Variants in MARCHF1 observed in about 807,000 individuals in gnomAD.
MARCHF1 encodes membrane associated ring-CH-type finger 1, also known as E3 ubiquitin-protein ligase MARCHF1.
A neutral mutation model predicts 54.2 loss-of-function variants in MARCHF1; 40 were observed. That is an observed-to-expected ratio of 0.74 (90% confidence interval 0.57 to 0.96). MARCHF1 has a LOEUF of 0.96. Ranked by LOEUF, MARCHF1 falls within the 40% of genes least tolerant of loss-of-function variation. The pLI, the probability that MARCHF1 is intolerant of heterozygous loss-of-function variation, is 0.00. For missense variants in MARCHF1, 586 were observed against 656.5 expected (o/e 0.89, Z 1.17); for synonymous variants, 236 against 236.3 (o/e 1.00, Z 0.01).
Position 164,216,630 on chromosome 4 carries a change from TGAA to T in MARCHF1, c.-322-104971_-322-104969del, listed in dbSNP as rs2111135187. ...TTTCTTGGATTAGATTAATTACTGA[TGAA>T]GAAAAATATTTAAAGTTTCATTATC... On this transcript the variant is annotated intron_variant, in intron 1 of 9. Coordinates refer to ENST00000514618, the MANE Select transcript of MARCHF1 (RefSeq NM_001394959.1). Among the ~76,000 whole-genome samples the T allele has an allele frequency of 2.6e-5, 4 of 152,312 alleles. 1 individual carries two copies. In the South Asian group the frequency reaches 8.3e-4, roughly 32 times the overall value.
At chr4:163,936,958 T>G (rs530162327) in intron 3 of MARCHF1, among the ~76,000 whole-genome samples, 25 of 152,290 alleles carry the variant, frequency 1.6e-4, no homozygotes, top group African/African-American at 5.5e-4. Context: ...TTCAAAACAA[T>G]ACCAGTTTTA....
At chr4:164,297,401 C>G (rs1482979548) in intron 1 of MARCHF1, among the ~76,000 whole-genome samples, 1 of 152,094 alleles carries the variant, frequency 6.6e-6, no homozygotes, top group African/African-American at 2.4e-5. Context: ...TGATGTGAGG[C>G]TATGAGAAGG....
chr4:164,381,751 T>A (rs904738393), intron 1 of MARCHF1, among the ~76,000 whole-genome samples: 13 of 152,234 alleles, frequency 8.5e-5, no homozygotes, highest in Admixed American at 7.2e-4. Flanking sequence ...GAGTTTTTGC[T>A]ATTACAATAC....
chr4:164,012,867 G>A (rs1255803869), intron 2 of MARCHF1, among the ~76,000 whole-genome samples: 2 of 152,132 alleles, frequency 1.3e-5, no homozygotes, highest in Non-Finnish European at 2.9e-5. Context: ...GTGACCACAG[G>A]CTTTGGTCAC....
intron 2 of MARCHF1, among the ~76,000 whole-genome samples, chr4:164,067,967 A>C (rs1004901844): frequency 6.6e-6 from 1 of 152,192 alleles, no homozygotes; most frequent in African/African-American, 2.4e-5. Flanking sequence ...AACATATGAA[A>C]AAATGCTTAT....
chr4:164,051,706 G>T, intron 2 of MARCHF1, among the ~76,000 whole-genome samples: 1 of 152,068 alleles, frequency 6.6e-6, no homozygotes, highest in Non-Finnish European at 1.5e-5. Context: ...ATTTATCCTA[G>T]GTCTAACTGA....
At chr4:163,701,264 C>A (rs1415564190) in intron 4 of MARCHF1, among the ~76,000 whole-genome samples, 3 of 152,132 alleles carry the variant, frequency 2.0e-5, no homozygotes, top group Non-Finnish European at 4.4e-5. Flanking sequence ...ATTAAATATT[C>A]TGTGCTGGGT....
chr4:164,085,960 A>G (rs1755185339), intron 2 of MARCHF1, among the ~76,000 whole-genome samples: 1 of 151,808 alleles, frequency 6.6e-6, no homozygotes, highest in Non-Finnish European at 1.5e-5. Flanking sequence ...AAATTTTTGT[A>G]CAGAAATGGG....
chr4:163,946,032 C>T (rs192860112), intron 3 of MARCHF1, among the ~76,000 whole-genome samples: 2 of 151,920 alleles, frequency 1.3e-5, no homozygotes, highest in Admixed American at 1.3e-4. Context: ...CCATATAGCA[C>T]CAAATTGATG....
intron 5 of MARCHF1, among the ~76,000 whole-genome samples, chr4:163,666,356 A>G (rs1743533544): frequency 6.6e-6 from 1 of 152,140 alleles, no homozygotes. Flanking sequence ...TGAGCAGTAA[A>G]AAAGTGCATT....
intron 2 of MARCHF1, among the ~76,000 whole-genome samples, chr4:164,102,649 G>A (rs1285086266): frequency 4.0e-5 from 6 of 151,434 alleles, no homozygotes; most frequent in African/African-American, 7.3e-5. Context: ...GGCACCAGCC[G>A]CTGCAAAATC....
At chr4:163,887,066 T>G (rs72999205) in intron 3 of MARCHF1, among the ~76,000 whole-genome samples, 6,135 of 152,206 alleles carry the variant, frequency 0.04, 232 homozygotes, top group East Asian at 0.18. Flanking sequence ...ATATATTTAT[T>G]GAATGGAATT....
chr4:164,223,821 T>C (rs1244416533), intron 1 of MARCHF1, among the ~76,000 whole-genome samples: 1 of 151,638 alleles, frequency 6.6e-6, no homozygotes, highest in Non-Finnish European at 1.5e-5. Context: ...CTACATATTA[T>C]AGTATCTTCT....
chr4:163,893,794 T>A (rs1342001298), intron 3 of MARCHF1, among the ~76,000 whole-genome samples: 1 of 152,100 alleles, frequency 6.6e-6, no homozygotes, highest in Non-Finnish European at 1.5e-5. Flanking sequence ...TTTAATAGCA[T>A]CCCTAAAACA....
At chr4:163,692,975 G>T (rs1412394038) in intron 5 of MARCHF1, among the ~76,000 whole-genome samples, 1 of 151,542 alleles carries the variant, frequency 6.6e-6, no homozygotes, top group Admixed American at 6.6e-5. Context: ...TGGATCAAAA[G>T]CAGTTTGTAT....
chr4:163,817,463 A>AACAC (rs111793655), intron 4 of MARCHF1, among the ~76,000 whole-genome samples: 1,881 of 148,816 alleles, frequency 0.013, 21 homozygotes, highest in Non-Finnish European at 0.017. Flanking sequence ...TTAGGAGAGC[A>AACAC]ACACACACAC....
At position 163,755,682 on chromosome 4, in the gene MARCHF1, T is replaced by C. The variant is rs1207545655; in HGVS notation, c.112-54819A>G. On this transcript the variant is annotated intron_variant, in intron 4 of 9. Transcript: ENST00000514618. ...GTTGAACCTTGAACTACTGGACATC[T>C]GAAAAGAAAAAGAAGATCACCAAAA... is the stretch of plus-strand genomic sequence containing the variant. Among the ~76,000 whole-genome samples, 3 of 151,528 alleles carry C rather than the reference T, an allele frequency of 2.0e-5. No individual in the cohort carries two copies. In the South Asian group the frequency reaches 6.3e-4, roughly 32 times the overall value.
intron 1 of MARCHF1, chr4:164,196,915 G>T: frequency 1.3e-6 from 2 of 1,493,066 alleles, no homozygotes; most frequent in Non-Finnish European, 1.9e-6. Context: ...GAGGGGGGAG[G>T]GGATATGGGT....
chr4:163,640,056 G>A (rs1742498184), intron 5 of MARCHF1, among the ~76,000 whole-genome samples: 1 of 152,092 alleles, frequency 6.6e-6, no homozygotes, highest in Admixed American at 6.6e-5. Context: ...TTTTTAAAAT[G>A]AGATTTTGGG....
Sources: allele counts gnomAD v4.1 joint callset (sites outside exome capture counted in the v4.1 genomes callset), GRCh38; gene constraint gnomAD v4.1.1; transcripts MANE v1.5; gene names NCBI Gene and HGNC (gene_info 2026-07-23, HGNC 2026-07-21).